CNTN1: variants seen among roughly 807,000 people sequenced by gnomAD.
CNTN1 encodes the protein contactin-1.
CNTN1 carries 38 observed loss-of-function variants against 126.4 expected under a neutral mutation model. The ratio of observed to expected loss-of-function variants is 0.30; its 90% CI spans 0.23 to 0.39. The LOEUF is 0.39. Ranked by LOEUF, CNTN1 falls within the 10% of genes least tolerant of loss-of-function variation. The pLI, the probability that CNTN1 is intolerant of heterozygous loss-of-function variation, is 1.00. For missense variants in CNTN1, 1,009 were observed against 1,248.4 expected, an observed-to-expected ratio of 0.81 and a Z score of 2.89; for synonymous variants, 413 against 422.6, an observed-to-expected ratio of 0.98 and a Z score of 0.28.
Position 41,025,022 on chromosome 12 carries a change from T to C in CNTN1, c.2524-128T>C, listed in dbSNP as rs1592422368. On this transcript the variant is annotated intron_variant, in intron 20 of 23. Transcript: ENST00000551295. ...TCTAAGGCTGATAAAAGGGTAGATA[T>C]CATTAAGAAACATTTGAAAATATGA... The C allele has an allele frequency of 8.6e-6, 8 of 925,018 alleles. No homozygotes were observed. The East Asian group carries it at 1.9e-4, about 22-fold the overall frequency. The allele number at this position is 925,018 out of a possible 1,614,324, so 57.3% of individuals were successfully genotyped here.
chr12:40,778,700 C>T lies in CNTN1; in HGVS notation c.-77+86108C>T, dbSNP rs372091304. Among the ~76,000 whole-genome samples the T allele has an allele frequency of 3.3e-5, 5 of 151,694 alleles. No homozygotes were observed. In the South Asian group the frequency reaches 6.2e-4, roughly 19 times the overall value. ...ACAAAACAAAACTAACCAAAAAAAA[C>T]CTAAGACAAAGCAACTTGTTCATTT... On this transcript the variant is annotated intron_variant, in intron 1 of 23. Coordinates refer to ENST00000551295, the MANE Select transcript of CNTN1 (RefSeq NM_001843.4).
intron 1 of CNTN1, among the ~76,000 whole-genome samples, chr12:40,901,888 A>G (rs1433902501): frequency 6.6e-6 from 1 of 152,198 alleles, no homozygotes; most frequent in Admixed American, 6.5e-5. Flanking sequence ...TTCATAGAAA[A>G]TGGTTAGACT....
At chr12:40,886,872 A>G (rs1444926342) in intron 1 of CNTN1, among the ~76,000 whole-genome samples, 1 of 152,286 alleles carries the variant, frequency 6.6e-6, no homozygotes, top group African/African-American at 2.4e-5. Context: ...AAGATCAGAT[A>G]GTTGTAGATA....
At chr12:40,891,021 A>G (rs1944222661) in intron 1 of CNTN1, among the ~76,000 whole-genome samples, 1 of 152,214 alleles carries the variant, frequency 6.6e-6, no homozygotes, top group Non-Finnish European at 1.5e-5. Flanking sequence ...ATGGAACAGC[A>G]GGAACCAACA....
intron 1 of CNTN1, among the ~76,000 whole-genome samples, chr12:40,903,330 T>G (rs1387680240): frequency 6.6e-6 from 1 of 151,520 alleles, no homozygotes; most frequent in Admixed American, 6.6e-5. Context: ...TTCTGTTATT[T>G]CAGTTGTTGA....
At chr12:41,028,970 C>T in intron 22 of CNTN1, 93 bp from the exon 23 acceptor site, 1 of 1,202,998 alleles carries the variant, frequency 8.3e-7, no homozygotes, top group South Asian at 1.3e-5. Context: ...TTTTGTTAAT[C>T]AAAGTATAAG....
intron 23 of CNTN1, among the ~76,000 whole-genome samples, chr12:41,035,140 T>C (rs575563971): frequency 6.6e-6 from 1 of 152,304 alleles, no homozygotes; most frequent in South Asian, 2.1e-4. Context: ...TACCAAGTTC[T>C]CACAACAACT....
chr12:40,794,561 TA>T (rs1940340265), intron 1 of CNTN1, among the ~76,000 whole-genome samples: 1 of 152,094 alleles, frequency 6.6e-6, no homozygotes, highest in South Asian at 2.1e-4. Context: ...CCAAAAATAT[TA>T]AATATCCTAT....
chr12:40,701,456 G>A (rs1304905027), intron 1 of CNTN1, among the ~76,000 whole-genome samples: 1 of 151,870 alleles, frequency 6.6e-6, no homozygotes, highest in Non-Finnish European at 1.5e-5. Flanking sequence ...AATTGTCATG[G>A]TTACTAAAAG....
chr12:40,785,800 GGCCT>G (rs1939995505), intron 1 of CNTN1, among the ~76,000 whole-genome samples: 1 of 152,096 alleles, frequency 6.6e-6, no homozygotes, highest in African/African-American at 2.4e-5. Flanking sequence ...TGGGCTCAGA[GGCCT>G]GACAGTAGGA....
chr12:40,707,088 A>C (rs12311030), intron 1 of CNTN1, among the ~76,000 whole-genome samples: 7 of 128,590 alleles, frequency 5.4e-5, no homozygotes, highest in South Asian at 2.3e-4. Context: ...ACACACACAC[A>C]CCCCTGCTCA....
rs117457170 is a variant in CNTN1, at chr12:40,978,376, C to T, written c.1805-2533C>T. ...ACCATTACCGAGTAAAATTCCCACA[C>T]CAGGGTTTTGAAGATACCAACACAA... is the stretch of plus-strand genomic sequence containing the variant. On this transcript the variant is annotated intron_variant, in intron 15 of 23. Transcript: ENST00000551295. Among the ~76,000 whole-genome samples the T allele has an allele frequency of 1.0e-3, 155 of 151,898 alleles. 1 individual carries two copies. In the East Asian group the frequency reaches 0.018, roughly 17 times the overall value.
chr12:41,042,683 C>T (rs1949443781), intron 23 of CNTN1, among the ~76,000 whole-genome samples: 1 of 152,094 alleles, frequency 6.6e-6, no homozygotes. Context: ...AAAGAGCCTG[C>T]ATTGCCAAGT....
chr12:40,698,869 GTCAATCAA>G (rs1941522777), intron 1 of CNTN1, among the ~76,000 whole-genome samples: 2 of 152,086 alleles, frequency 1.3e-5, no homozygotes, highest in Non-Finnish European at 1.5e-5. Flanking sequence ...CTCCCGTAAT[GTCAATCAA>G]CTGAACGGTT....
chr12:41,020,643 A>G (rs1948886365), intron 20 of CNTN1, among the ~76,000 whole-genome samples: 1 of 152,178 alleles, frequency 6.6e-6, no homozygotes, highest in Non-Finnish European at 1.5e-5. Context: ...GGGGAGATGT[A>G]AAGAAACCTA....
At chr12:40,943,763 TA>T (rs1280320528) in intron 13 of CNTN1, 39 bp downstream of exon 13, 1 of 1,607,198 alleles carries the variant, frequency 6.2e-7, no homozygotes. Context: ...TCTAATGTAT[TA>T]AAAAACATGA....
intron 1 of CNTN1, among the ~76,000 whole-genome samples, chr12:40,699,220 T>G (rs1941535414): frequency 6.6e-6 from 1 of 152,170 alleles, no homozygotes; most frequent in African/African-American, 2.4e-5. Context: ...TGACATAGAG[T>G]TGATACTTAA....
chr12:40,964,525 A>AGTGTGTGTGTGTGTGT (rs369450437), intron 15 of CNTN1, among the ~76,000 whole-genome samples: 7 of 104,716 alleles, frequency 6.7e-5, no homozygotes, highest in Admixed American at 3.4e-4. Context: ...CGTGTAAGTG[A>AGTGTGTGTGTGTGTGT]GTGTGTGTGT....
intron 1 of CNTN1, among the ~76,000 whole-genome samples, chr12:40,748,355 A>C (rs993588362): frequency 6.6e-6 from 1 of 152,130 alleles, no homozygotes; most frequent in Non-Finnish European, 1.5e-5. Context: ...CTTTTACAGA[A>C]GAGGAAACTG....
Sources: allele counts gnomAD v4.1 joint callset (sites outside exome capture counted in the v4.1 genomes callset), GRCh38; gene constraint gnomAD v4.1.1; transcripts MANE v1.5; gene names NCBI Gene and HGNC (gene_info 2026-07-23, HGNC 2026-07-21).